The following DNAH14 variants were observed in gnomAD, a reference collection of about 807,000 sequenced individuals.
DNAH14 encodes the protein dynein axonemal heavy chain 14, also known as axonemal beta dynein heavy chain 14.
In DNAH14, 478 loss-of-function variants were observed where a neutral mutation model predicts 520.9. The ratio of observed to expected loss-of-function variants is 0.92; its 90% CI spans 0.85 to 0.99. DNAH14 has a LOEUF of 0.99. Ranked by LOEUF, DNAH14 falls within the 50% of genes least tolerant of loss-of-function variation. The pLI, the probability that DNAH14 is intolerant of heterozygous loss-of-function variation, is 0.00. For synonymous variants in DNAH14, 1,581 were observed against 1,757.2 expected (o/e 0.90, Z 2.51); for missense variants, 4,831 against 5,234.5 (o/e 0.92, Z 2.38).
At chr1:224,980,208 T>C (rs116556666) in intron 8 of DNAH14, among the ~76,000 whole-genome samples, 1 of 152,084 alleles carries the variant, frequency 6.6e-6, no homozygotes, top group Non-Finnish European at 1.5e-5. Flanking sequence ...ATTCCAAGCC[T>C]TGGTTCTTGG....
At chr1:225,352,342 A>T (rs114376965) in intron 72 of DNAH14, among the ~76,000 whole-genome samples, 1 of 151,934 alleles carries the variant, frequency 6.6e-6, no homozygotes, top group African/African-American at 2.4e-5. Context: ...TAACACCCCC[A>T]CTCAGAATAC....
intron 26 of DNAH14, among the ~76,000 whole-genome samples, chr1:225,121,941 A>G (rs1278924497): frequency 6.6e-6 from 1 of 152,006 alleles, no homozygotes; most frequent in Non-Finnish European, 1.5e-5. Flanking sequence ...CAAATGTAAC[A>G]GATCGTTGGC....
intron 23 of DNAH14, among the ~76,000 whole-genome samples, chr1:225,107,913 A>G (rs375671186): frequency 6.6e-5 from 10 of 152,296 alleles, no homozygotes; most frequent in South Asian, 2.1e-4. Context: ...ACACTTTTTC[A>G]TATACCTGTG....
At chr1:225,122,418 C>T (rs1341554033) in intron 26 of DNAH14, among the ~76,000 whole-genome samples, 1 of 152,120 alleles carries the variant, frequency 6.6e-6, no homozygotes, top group Non-Finnish European at 1.5e-5. Flanking sequence ...TCCTGGAGGT[C>T]ACAAACTACT....
At chr1:225,005,315 G>A (rs373257467) in intron 9 of DNAH14, among the ~76,000 whole-genome samples, 73 of 152,026 alleles carry the variant, frequency 4.8e-4, no homozygotes, top group African/African-American at 1.5e-3. Flanking sequence ...ATTTTAAATC[G>A]GTTCCTCAGT....
intron 49 of DNAH14, among the ~76,000 whole-genome samples, chr1:225,267,447 C>G (rs2093159874): frequency 6.6e-6 from 1 of 152,018 alleles, no homozygotes; most frequent in Non-Finnish European, 1.5e-5. Context: ...GCGCCCACCA[C>G]CACGCCCAGC....
intron 41 of DNAH14, among the ~76,000 whole-genome samples, chr1:225,210,935 CAA>C (rs1216160909): frequency 3.9e-5 from 6 of 152,196 alleles, no homozygotes; most frequent in African/African-American, 1.4e-4. Flanking sequence ...GGAAAACTAA[CAA>C]ACAGAAAGGA....
chr1:225,320,144 A>G (rs1261788356), intron 61 of DNAH14, among the ~76,000 whole-genome samples: 1 of 152,160 alleles, frequency 6.6e-6, no homozygotes, highest in Non-Finnish European at 1.5e-5. Flanking sequence ...CATAGTGGTT[A>G]AGCACATGGG....
chr1:225,259,667 C>T (rs1169978526), intron 46 of DNAH14, among the ~76,000 whole-genome samples: 2 of 152,174 alleles, frequency 1.3e-5, no homozygotes, highest in Non-Finnish European at 2.9e-5. Context: ...TCTTATTCTG[C>T]TTATCTAACT....
chr1:225,021,056 C>T (rs1451052327), intron 10 of DNAH14, among the ~76,000 whole-genome samples: 1 of 152,186 alleles, frequency 6.6e-6, no homozygotes, highest in African/African-American at 2.4e-5. Context: ...ACCACATGAT[C>T]ATCTCAACAG....
chr1:225,061,915 G>C (rs1312425906), intron 17 of DNAH14, among the ~76,000 whole-genome samples: 1 of 152,166 alleles, frequency 6.6e-6, no homozygotes, highest in African/African-American at 2.4e-5. Flanking sequence ...ATGTGAGACT[G>C]CCTATGTTCA....
rs1039934753 is a variant in DNAH14, at chr1:225,147,202, C to T, written c.4893C>T (p.Ala1631=). 9 of 1,550,360 alleles carry T rather than the reference C, an allele frequency of 5.8e-6. No individual in the cohort carries two copies. Among genetic ancestry groups the T allele is most frequent in the Non-Finnish European group, 7.8e-6 (9 of 1,146,576 alleles). The change falls in exon 31 of 86, where the codon GCC becomes GCT. Residue 1631 remains alanine (A), a synonymous_variant. Transcript: ENST00000682510. ...LIDLEVLSVI[A]SQILTIKAAK... is the part of the protein sequence containing the mutation. ...ATTTGGAAGTTCTCTCTGTCATTGC[C>T]TCACAGATCCTAACAATTAAGGCTG...
chr1:224,936,055 A>G (rs2059012090), intron 1 of DNAH14, among the ~76,000 whole-genome samples: 1 of 152,060 alleles, frequency 6.6e-6, no homozygotes, highest in South Asian at 2.1e-4. Flanking sequence ...CCTGTGGAAT[A>G]TATCAAAGTA....
intron 40 of DNAH14, 33 bp downstream of exon 40, chr1:225,206,212 C>CA: frequency 6.7e-7 from 1 of 1,494,852 alleles, no homozygotes; most frequent in Non-Finnish European, 9.0e-7. Flanking sequence ...TTTAACAAAG[C>CA]AAAAATGTTG....
intron 36 of DNAH14, among the ~76,000 whole-genome samples, chr1:225,175,917 G>A (rs781124940): frequency 1.1e-3 from 161 of 151,654 alleles, no homozygotes; most frequent in Admixed American, 1.7e-3. Flanking sequence ...CACCATGCCC[G>A]GCTAATTTTT....
intron 37 of DNAH14, among the ~76,000 whole-genome samples, chr1:225,191,555 G>A (rs542891739): frequency 1.0e-4 from 15 of 146,136 alleles, no homozygotes; most frequent in African/African-American, 3.8e-4. Context: ...ATTTTTCTTT[G>A]TGTTTCATGA....
intron 73 of DNAH14, chr1:225,357,731 G>A (rs1282310316): frequency 1.4e-6 from 1 of 692,592 alleles, no homozygotes; most frequent in African/African-American, 1.8e-5. Flanking sequence ...AGGTAAAAAT[G>A]GCAACTTCCC....
intron 35 of DNAH14, among the ~76,000 whole-genome samples, chr1:225,167,459 C>T (rs1573647605): frequency 6.6e-6 from 1 of 152,136 alleles, no homozygotes; most frequent in South Asian, 2.1e-4. Context: ...TAACTTATAA[C>T]CACATCATGT....
chr1:225,364,080 T>C (rs1402943591), intron 75 of DNAH14, among the ~76,000 whole-genome samples: 1 of 152,214 alleles, frequency 6.6e-6, no homozygotes, highest in Non-Finnish European at 1.5e-5. Context: ...CTATGCAGTA[T>C]TGTAGTAATA....
Sources: gnomAD v4.1 joint callset for allele counts (sites outside exome capture counted in the v4.1 genomes callset) on GRCh38, gnomAD v4.1.1 for gene constraint, MANE v1.5 for transcripts, NCBI Gene and HGNC (gene_info 2026-07-23, HGNC 2026-07-21) for gene names.